Variants in JAKMIP3 observed in about 807,000 individuals in gnomAD.
JAKMIP3 encodes the protein Janus kinase and microtubule interacting protein 3.
A neutral mutation model predicts 118.5 loss-of-function variants in JAKMIP3; 58 were observed. The ratio of observed to expected loss-of-function variants is 0.49; its 90% CI spans 0.40 to 0.61. The LOEUF is 0.61. Among genes scored for constraint, JAKMIP3 ranks in the 20% least tolerant of loss-of-function variants. The probability of loss-of-function intolerance (pLI) is 0.00; values close to 1 mark genes in which losing one functional copy is unlikely to be tolerated. For missense variants in JAKMIP3, 950 were observed against 1,109.0 expected, an observed-to-expected ratio of 0.86 and a Z score of 2.04; for synonymous variants, 486 against 451.2, an observed-to-expected ratio of 1.08 and a Z score of -0.98.
At chr10:132,091,594 C>T (rs1196792665) in intron 1 of JAKMIP3, among the ~76,000 whole-genome samples, 2 of 152,090 alleles carry the variant, frequency 1.3e-5, no homozygotes, top group Non-Finnish European at 2.9e-5. Flanking sequence ...AGGATTGCAA[C>T]CCCTGCTTTT....
intron 3 of JAKMIP3, among the ~76,000 whole-genome samples, chr10:132,130,419 G>A (rs779635702): frequency 7.2e-5 from 11 of 152,344 alleles, no homozygotes; most frequent in African/African-American, 1.2e-4. Flanking sequence ...CTCACAAGGC[G>A]CATTCGTGTG....
At chr10:132,046,009 T>C (rs1319576597) in intron 1 of JAKMIP3, among the ~76,000 whole-genome samples, 2 of 152,062 alleles carry the variant, frequency 1.3e-5, no homozygotes, top group African/African-American at 4.8e-5. Context: ...TGCATGGATC[T>C]TGAGTGAGTT....
intron 9 of JAKMIP3, among the ~76,000 whole-genome samples, chr10:132,138,748 C>T (rs1215720194): frequency 6.6e-6 from 1 of 152,116 alleles, no homozygotes; most frequent in Non-Finnish European, 1.5e-5. Context: ...GTCCGAGTCC[C>T]CACGACCTGT....
chr10:132,109,589 GCCCTGAGGATCCTGAGGA>G (rs1318675961), intron 2 of JAKMIP3, among the ~76,000 whole-genome samples: 1 of 152,124 alleles, frequency 6.6e-6, no homozygotes, highest in Non-Finnish European at 1.5e-5. Context: ...GCACCTGAGG[GCCCTGAGGATCCTGAGGA>G]CCCTGGAGCC....
intron 21 of JAKMIP3, among the ~76,000 whole-genome samples, chr10:132,166,167 A>T (rs117781148): frequency 0.11 from 16,654 of 151,996 alleles, 1,239 homozygotes; most frequent in Non-Finnish European, 0.15. Flanking sequence ...CTAGAAAAAA[A>T]TTTTAAAACA....
intron 3 of JAKMIP3, among the ~76,000 whole-genome samples, chr10:132,122,177 C>T (rs996301246): frequency 6.6e-6 from 1 of 152,214 alleles, no homozygotes; most frequent in East Asian, 1.9e-4. Context: ...GCCTCCCCAG[C>T]CCCCCTGGTC....
intron 11 of JAKMIP3, 35 bp downstream of exon 11, chr10:132,142,083 C>T: frequency 6.4e-7 from 1 of 1,569,614 alleles, no homozygotes; most frequent in Non-Finnish European, 8.6e-7. Context: ...TCCGGCCCCC[C>T]TCGTGCCTTC....
intron 14 of JAKMIP3, among the ~76,000 whole-genome samples, chr10:132,148,282 A>G (rs1218601430): frequency 6.6e-6 from 1 of 152,122 alleles, no homozygotes; most frequent in Non-Finnish European, 1.5e-5. Flanking sequence ...GGCAGGGACC[A>G]CCTCTTCATA....
At chr10:132,058,700 C>T (rs896132267) in intron 1 of JAKMIP3, among the ~76,000 whole-genome samples, 1 of 152,216 alleles carries the variant, frequency 6.6e-6, no homozygotes, top group Non-Finnish European at 1.5e-5. Flanking sequence ...GGAGGGGACG[C>T]ACCCGGCTGT....
rs373468215 is a variant in JAKMIP3, at chr10:132,143,142, CGGGGT to C, written c.1602+1099_1602+1103del. 5.2e-3 allele frequency among the ~76,000 whole-genome samples: 769 copies of C among 146,972 alleles called. 13 individuals carry two copies. The highest frequency in any genetic ancestry group is 0.019 in the African/African-American group (734 of 38,698). On this transcript the variant is annotated intron_variant, in intron 11 of 23. Transcript: ENST00000684848. ...TCTGTGCCCTCCTCCTGTCCTGAGT[CGGGGT>C]GGGGGGGGCTGGCCTTGGAGGGGGC...
intron 1 of JAKMIP3, among the ~76,000 whole-genome samples, chr10:132,097,303 G>C (rs570459094): frequency 6.6e-6 from 1 of 152,312 alleles, no homozygotes; most frequent in African/African-American, 2.4e-5. Context: ...CACACCGTGG[G>C]TCACTCTGCG....
chr10:132,138,712 T>C (rs1045132812), intron 9 of JAKMIP3, among the ~76,000 whole-genome samples: 3 of 152,206 alleles, frequency 2.0e-5, no homozygotes, highest in African/African-American at 7.2e-5. Context: ...AGGTGCCGGC[T>C]CTGGTGTCCT....
chr10:132,138,490 T>C (rs2135829292), intron 9 of JAKMIP3, among the ~76,000 whole-genome samples: 1 of 152,258 alleles, frequency 6.6e-6, no homozygotes, highest in Admixed American at 6.5e-5. Context: ...CGCTGGTGTG[T>C]GTGGAGAGCG....
chr10:132,142,070 C>CGA (rs2135956378), intron 11 of JAKMIP3, 22 bp downstream of exon 11: 2 of 1,592,084 alleles, frequency 1.3e-6, no homozygotes, highest in Non-Finnish European at 1.7e-6. Context: ...TTCCACCGCG[C>CGA]GTTCCGGCCC....
At chr10:132,067,401 T>C (rs1031337780) in intron 1 of JAKMIP3, among the ~76,000 whole-genome samples, 1 of 151,978 alleles carries the variant, frequency 6.6e-6, no homozygotes, top group Non-Finnish European at 1.5e-5. Context: ...CTCCTGCTTC[T>C]CTCCCGACAG....
intron 3 of JAKMIP3, among the ~76,000 whole-genome samples, chr10:132,122,317 G>A (rs574577249): frequency 2.6e-5 from 4 of 152,252 alleles, no homozygotes; most frequent in South Asian, 2.1e-4. Flanking sequence ...CCCGGCTGTC[G>A]GGGCCCTGAC....
rs770407014 is a variant in JAKMIP3 at position 132,117,146 on chromosome 10, G to A, written c.205G>A (p.Ala69Thr). The change falls in exon 3 of 24, where the codon GCG becomes ACG. Residue 69 changes from alanine (A) to threonine (T), a missense_variant. Coordinates refer to ENST00000684848, the MANE Select transcript of JAKMIP3 (RefSeq NM_001323087.2). This position sits in a 1 kb window ranked among gnomAD's most constrained non-coding sequence, Gnocchi z 8.6. The stretch of plus-strand genomic sequence containing the variant: ...GCGCGAGCATGAGCAGCATAAGACC[G>A]CGGTCTTGCTCACGGAGCTCAAGAC... ...QVREHEQHKT[A>T]VLLTELKTKL... 1.5e-5 allele frequency: 24 copies of A among 1,613,622 alleles called. No individual in the cohort carries two copies. The East Asian group carries it at 1.6e-4, about 10-fold the overall frequency.
In JAKMIP3 at chr10:132,141,288, G is replaced by A. The variant is rs1178938064; in HGVS notation, c.1474-632G>A. On this transcript the variant is annotated intron_variant, in intron 10 of 23. Coordinates refer to ENST00000684848, the MANE Select transcript of JAKMIP3 (RefSeq NM_001323087.2). ...AGGTGCAGGGTTGGGCAGGGGAACT[G>A]GGCCAGGCCAAGGCTTCTGGGCTCA... is the stretch of plus-strand genomic sequence containing the variant. Among the ~76,000 whole-genome samples the A allele has an allele frequency of 2.6e-5, 4 of 152,184 alleles. No homozygotes were observed. The East Asian group carries it at 5.8e-4, about 22-fold the overall frequency.
At chr10:132,110,308 G>C (rs371855929) in intron 2 of JAKMIP3, among the ~76,000 whole-genome samples, 1 of 152,240 alleles carries the variant, frequency 6.6e-6, no homozygotes, top group Non-Finnish European at 1.5e-5. Flanking sequence ...AGGTGCTCCC[G>C]GGCTGCTGGT....
Sources: allele counts gnomAD v4.1 joint callset (sites outside exome capture counted in the v4.1 genomes callset), GRCh38; gene constraint gnomAD v4.1.1; non-coding constraint Gnocchi (gnomAD v3.1); transcripts MANE v1.5; gene names NCBI Gene and HGNC (gene_info 2026-07-23, HGNC 2026-07-21).